The following TESC variants were observed in gnomAD, a reference collection of about 807,000 sequenced individuals.
TESC encodes tescalcin, also known as calcineurin B homologous protein 3.
TESC carries 19 observed loss-of-function variants against 31.0 expected under a neutral mutation model. The ratio of observed to expected loss-of-function variants is 0.61; its 90% confidence interval spans 0.43 to 0.90. The LOEUF (loss-of-function observed/expected upper bound fraction) is 0.90. Among genes scored for constraint, TESC ranks in the 40% least tolerant of loss-of-function variants. TESC has a pLI of 0.00. For synonymous variants in TESC, 109 were observed against 114.8 expected (o/e 0.95, Z 0.32); for missense variants, 248 against 303.8 (o/e 0.82, Z 1.36).
chr12:117,081,946 A>C (rs1791101315), intron 1 of TESC, among the ~76,000 whole-genome samples: 1 of 150,394 alleles, frequency 6.6e-6, no homozygotes, highest in African/African-American at 2.5e-5. Flanking sequence ...GAAATGGGCC[A>C]GGTGTGGTGG....
In TESC at chr12:117,084,496, G is replaced by A. The variant is rs183671834; in HGVS notation, c.59-9156C>T. 9.8e-4 allele frequency among the ~76,000 whole-genome samples: 149 copies of A among 152,354 alleles called. No individual in the cohort carries two copies. The East Asian group carries it at 0.015, about 15-fold the overall frequency. On this transcript the variant is annotated intron_variant, in intron 1 of 7. Transcript: ENST00000335209. ...AAAAATATTGGCAATCGACTGCAAA[G>A]GGTTCTGAATGCTGGGGTAAGCGCA... is the stretch of plus-strand genomic sequence containing the variant.
intron 1 of TESC, among the ~76,000 whole-genome samples, chr12:117,078,709 T>C (rs1028598204): frequency 2.6e-5 from 4 of 152,202 alleles, no homozygotes; most frequent in Non-Finnish European, 4.4e-5. Context: ...ACAAATGTGT[T>C]TAAGTAATTT....
chr12:117,040,727 C>T (rs1424734943), intron 7 of TESC, among the ~76,000 whole-genome samples: 2 of 152,152 alleles, frequency 1.3e-5, no homozygotes, highest in Non-Finnish European at 2.9e-5. Context: ...CGGGGCCTGC[C>T]GACCTCCGCA....
intron 2 of TESC, among the ~76,000 whole-genome samples, chr12:117,071,104 A>C (rs7304889): frequency 1.3e-5 from 2 of 152,260 alleles, no homozygotes; most frequent in African/African-American, 4.8e-5. Flanking sequence ...CCTGGATTAC[A>C]TCAACCTAAC....
intron 3 of TESC, among the ~76,000 whole-genome samples, chr12:117,054,615 G>A (rs1371482879): frequency 6.6e-6 from 1 of 152,118 alleles, no homozygotes; most frequent in Non-Finnish European, 1.5e-5. Context: ...CAACTCCAGG[G>A]GCAGCTGAAG....
intron 1 of TESC, among the ~76,000 whole-genome samples, chr12:117,092,154 A>G (rs1955320127): frequency 6.6e-6 from 1 of 152,196 alleles, no homozygotes; most frequent in East Asian, 1.9e-4. Context: ...AGTGCTCAAG[A>G]AAGAGCAGCT....
At chr12:117,044,471 C>T (rs970450536) in intron 6 of TESC, among the ~76,000 whole-genome samples, 1 of 152,082 alleles carries the variant, frequency 6.6e-6, no homozygotes, top group Admixed American at 6.6e-5. Context: ...TGGCCAGAGT[C>T]TGGGGCTGGA....
intron 1 of TESC, among the ~76,000 whole-genome samples, chr12:117,080,033 T>C (rs1225163549): frequency 6.6e-6 from 1 of 152,178 alleles, no homozygotes; most frequent in Non-Finnish European, 1.5e-5. Flanking sequence ...CTCTCCTTAG[T>C]TCTGTTAGGT....
chr12:117,041,742 A>C (rs529359641), intron 7 of TESC, among the ~76,000 whole-genome samples: 62 of 152,342 alleles, frequency 4.1e-4, no homozygotes, highest in African/African-American at 1.4e-3. Flanking sequence ...CTACGTGTGA[A>C]TATTACCTTT....
chr12:117,090,273 T>C (rs1240747859), intron 1 of TESC, among the ~76,000 whole-genome samples: 2 of 152,228 alleles, frequency 1.3e-5, no homozygotes, highest in African/African-American at 4.8e-5. Context: ...TTAAGTACTA[T>C]GGAGTGATAC....
At position 117,049,028 on chromosome 12, in the gene TESC, TCTC is replaced by T. The variant is rs756953606; in HGVS notation, c.337_339del (p.Glu113del). On this transcript the variant is annotated inframe_deletion, in exon 4 of 8. Coordinates refer to ENST00000335209, the MANE Select transcript of TESC (RefSeq NM_017899.4). ...ACTCAGTGGCACGCACATCTCAGCT[TCTC>T]CTTCCGGGACAGCTCCACCTGTTCC... is the stretch of plus-strand genomic sequence containing the variant. 1 of 1,614,078 alleles carries T rather than the reference TCTC, an allele frequency of 6.2e-7. No individual in the cohort carries two copies. The highest frequency in any genetic ancestry group is 1.1e-5 in the South Asian group (1 of 91,076).
chr12:117,040,914 C>T (rs78437415), intron 7 of TESC, among the ~76,000 whole-genome samples: 4,725 of 152,182 alleles, frequency 0.031, 197 homozygotes, highest in East Asian at 0.19. Flanking sequence ...CCTTCCTTCC[C>T]TAATCCTCTC....
At chr12:117,069,119 T>C (rs1381784383) in intron 2 of TESC, among the ~76,000 whole-genome samples, 3 of 152,078 alleles carry the variant, frequency 2.0e-5, no homozygotes, top group Non-Finnish European at 4.4e-5. Flanking sequence ...TTCTTTTCTA[T>C]TCAGGCATTT....
chr12:117,086,657 C>T (rs1169322263), intron 1 of TESC, among the ~76,000 whole-genome samples: 2 of 152,030 alleles, frequency 1.3e-5, no homozygotes, highest in African/African-American at 4.8e-5. Flanking sequence ...AGGCTGGTCT[C>T]GAACTCCTGG....
intron 1 of TESC, among the ~76,000 whole-genome samples, chr12:117,092,961 G>A (rs1955333677): frequency 6.6e-6 from 1 of 152,198 alleles, no homozygotes; most frequent in South Asian, 2.1e-4. Flanking sequence ...ATTTCATGGG[G>A]TTCATGGACT....
intron 7 of TESC, among the ~76,000 whole-genome samples, chr12:117,040,588 C>CGG (rs1274582995): frequency 1.3e-5 from 2 of 149,414 alleles, no homozygotes; most frequent in Non-Finnish European, 3.0e-5. Flanking sequence ...CTCTGGCGGG[C>CGG]GTCACCTTCT....
chr12:117,099,406 C>T lies in TESC; in HGVS notation c.-124G>A. On this transcript the variant is annotated 5_prime_UTR_variant, in exon 1 of 8. Coordinates refer to ENST00000335209, the MANE Select transcript of TESC (RefSeq NM_017899.4). ...TCGGGACGCCGGCGAAGGCTCGGAG[C>T]CGCGGGTTCCGCGTGGGGCCGGAGC... The T allele has an allele frequency of 1.0e-6, 1 of 959,860 alleles. No homozygotes were observed. The highest frequency in any genetic ancestry group is 3.5e-5 in the South Asian group (1 of 28,936). 59.5% of individuals were successfully genotyped at this position (959,860 alleles called of 1,614,324 possible).
intron 2 of TESC, among the ~76,000 whole-genome samples, chr12:117,061,179 C>T (rs544138564): frequency 6.6e-6 from 1 of 152,320 alleles, no homozygotes; most frequent in African/African-American, 2.4e-5. Flanking sequence ...ACTGGGAGTG[C>T]ACCACAGATG....
rs1954440489 is a variant in TESC, at chr12:117,038,995, G to A, written c.*138C>T. The stretch of plus-strand genomic sequence containing the variant: ...AAGTCCCACATACCATACCCTACAA[G>A]ACACAAGGTGCGCAGACGAGCCTTG... On this transcript the variant is annotated 3_prime_UTR_variant, in exon 8 of 8. Transcript: ENST00000335209. 3 of 815,924 alleles carry A rather than the reference G, an allele frequency of 3.7e-6. No individual in the cohort carries two copies. The highest frequency in any genetic ancestry group is 5.5e-5 in the East Asian group (2 of 36,480). 50.5% of individuals were successfully genotyped at this position (815,924 alleles called of 1,614,324 possible). A position where few individuals can be genotyped will look rare whatever the true frequency, so the allele number is the denominator to read the frequency against.
Sources: allele counts gnomAD v4.1 joint callset (sites outside exome capture counted in the v4.1 genomes callset), GRCh38; gene constraint gnomAD v4.1.1; transcripts MANE v1.5; gene names NCBI Gene and HGNC (gene_info 2026-07-23, HGNC 2026-07-21).